The following ARHGEF10 variants were observed in gnomAD, a reference collection of about 807,000 sequenced individuals.
ARHGEF10 encodes Rho guanine nucleotide exchange factor 10.
A neutral mutation model predicts 147.4 loss-of-function variants in ARHGEF10; 140 were observed. The observed-to-expected ratio is 0.95, with a 90% CI of 0.83 to 1.09. The LOEUF (loss-of-function observed/expected upper bound fraction) is 1.09. ARHGEF10 is among the 50% of genes least tolerant of loss of function. The pLI is 0.00. For missense variants in ARHGEF10, 2,222 were observed against 1,752.7 expected (o/e 1.27, Z -4.78); for synonymous variants, 902 against 695.8 (o/e 1.30, Z -4.67).
chr8:1,915,266 G>T lies in ARHGEF10; in HGVS notation c.2143+5796G>T, dbSNP rs137923488. The stretch of plus-strand genomic sequence containing the variant: ...GGGTAGGCGTGCCATGGCTTTTCAG[G>T]GATTTTTGATGAAAATGGCATCTGA... On this transcript the variant is annotated intron_variant, in intron 18 of 28. Coordinates refer to ENST00000349830, the MANE Select transcript of ARHGEF10 (RefSeq NM_014629.4). Among the ~76,000 whole-genome samples the T allele has an allele frequency of 1.6e-3, 241 of 152,324 alleles. 1 individual carries two copies. Among genetic ancestry groups the T allele is most frequent in the African/African-American group, 5.5e-3 (230 of 41,564 alleles).
chr8:1,868,049 G>A (rs1806770381), intron 6 of ARHGEF10, among the ~76,000 whole-genome samples: 1 of 152,110 alleles, frequency 6.6e-6, no homozygotes, highest in Non-Finnish European at 1.5e-5. Flanking sequence ...TTACCCAGAT[G>A]GCAGTGAATT....
chr8:1,934,237 C>A (rs975119486), intron 26 of ARHGEF10, among the ~76,000 whole-genome samples: 1 of 151,534 alleles, frequency 6.6e-6, no homozygotes, highest in African/African-American at 2.4e-5. Context: ...ACCGGTAGTC[C>A]CAAGTACTCG....
At chr8:1,823,451 G>T (rs180813808), upstream of ARHGEF10, among the ~76,000 whole-genome samples, 2 of 136,120 alleles carry the variant, frequency 1.5e-5, no homozygotes, top group South Asian at 2.3e-4. Flanking sequence ...CGATGTTCTG[G>T]GGGGGGGAGC....
At chr8:1,884,422 C>T (rs1274877262) in intron 10 of ARHGEF10, among the ~76,000 whole-genome samples, 1 of 151,818 alleles carries the variant, frequency 6.6e-6, no homozygotes, top group Non-Finnish European at 1.5e-5. Context: ...AGGGCAAATC[C>T]CTAACCTCCC....
At chr8:1,842,320 C>T (rs1312826113) in intron 1 of ARHGEF10, among the ~76,000 whole-genome samples, 1 of 152,176 alleles carries the variant, frequency 6.6e-6, no homozygotes, top group Admixed American at 6.5e-5. Flanking sequence ...CTGAGAGTGC[C>T]AGAGCCAGTG....
chr8:1,953,019 C>T (rs1815181662), intron 28 of ARHGEF10, among the ~76,000 whole-genome samples, 192 bp downstream of exon 28: 1 of 152,238 alleles, frequency 6.6e-6, no homozygotes, highest in African/African-American at 2.4e-5. Context: ...CCATTTTTTA[C>T]CTTAGTAGTC....
intron 1 of ARHGEF10, among the ~76,000 whole-genome samples, chr8:1,840,851 G>A (rs954068665): frequency 2.0e-5 from 3 of 152,122 alleles, no homozygotes; most frequent in Admixed American, 6.5e-5. Flanking sequence ...GGCACCTCCC[G>A]CCTCACGGGT....
intron 18 of ARHGEF10, among the ~76,000 whole-genome samples, chr8:1,915,054 C>T (rs1382021289): frequency 2.0e-5 from 3 of 152,150 alleles, no homozygotes; most frequent in Non-Finnish European, 4.4e-5. Context: ...GACCTCCTGC[C>T]ACCACTCTCT....
intron 10 of ARHGEF10, among the ~76,000 whole-genome samples, chr8:1,884,387 G>A (rs1388356905): frequency 2.3e-5 from 3 of 129,462 alleles, no homozygotes; most frequent in African/African-American, 5.8e-5. Context: ...CAGAGCAAGA[G>A]TCCATCTCAA....
At chr8:1,922,686 G>T (rs1268118169) in intron 18 of ARHGEF10, among the ~76,000 whole-genome samples, 1 of 152,188 alleles carries the variant, frequency 6.6e-6, no homozygotes, top group African/African-American at 2.4e-5. Context: ...GGATTTGACG[G>T]TCATGATACG....
At chr8:1,835,484 T>A (rs1375275155) in intron 1 of ARHGEF10, among the ~76,000 whole-genome samples, 1 of 152,136 alleles carries the variant, frequency 6.6e-6, no homozygotes, top group African/African-American at 2.4e-5. Flanking sequence ...GTTTCCCAGG[T>A]AGAGGCCCTG....
intron 27 of ARHGEF10, among the ~76,000 whole-genome samples, chr8:1,947,779 C>T (rs926925623): frequency 1.4e-5 from 2 of 147,620 alleles, no homozygotes; most frequent in Admixed American, 1.4e-4. Context: ...CCGCTGTCAG[C>T]TGCCTCTCCC....
rs1353714472 is a variant in ARHGEF10 at position 1,919,758 on chromosome 8, AGTGATGGAGCTGTTCTATGG to A, written c.2144-3189_2144-3170del. Among the ~76,000 whole-genome samples, 14 of 104,022 alleles carry A rather than the reference AGTGATGGAGCTGTTCTATGG, an allele frequency of 1.3e-4. No individual in the cohort carries two copies. The East Asian group carries it at 2.3e-3, about 17-fold the overall frequency. 68.2% of individuals were successfully genotyped at this position (104,022 alleles called of 152,430 possible). On this transcript the variant is annotated intron_variant, in intron 18 of 28. Transcript: ENST00000349830. ...TCTGTGGGTGATAAACTGTTCTGTC[AGTGATGGAGCTGTTCTATGG>A]GTGATGGAGCTGTTCTGTGGGTGAT...
intron 1 of ARHGEF10, among the ~76,000 whole-genome samples, chr8:1,827,446 T>A (rs1340726840): frequency 4.6e-5 from 7 of 152,256 alleles, no homozygotes; most frequent in Non-Finnish European, 1.0e-4. Context: ...GTAGCTGGGA[T>A]TATAAGCACC....
At chr8:1,893,535 G>A in intron 11 of ARHGEF10, 34 bp from the exon 12 acceptor site, 1 of 1,461,110 alleles carries the variant, frequency 6.8e-7, no homozygotes, top group Non-Finnish European at 9.6e-7. Context: ...TTATAAAGCA[G>A]TTTTCTATCA....
chr8:1,859,595 C>T (rs1373888507), intron 3 of ARHGEF10, among the ~76,000 whole-genome samples: 1 of 149,542 alleles, frequency 6.7e-6, no homozygotes, highest in Non-Finnish European at 1.5e-5. Context: ...TTGTGTGTAG[C>T]ACCAGACTCT....
intron 12 of ARHGEF10, 79 bp downstream of exon 12, chr8:1,893,725 A>T: frequency 6.9e-6 from 8 of 1,152,208 alleles, no homozygotes; most frequent in Non-Finnish European, 7.8e-6. Context: ...CCATAAATGC[A>T]AAGCATATAT....
chr8:1,915,254 A>T (rs1003289456), intron 18 of ARHGEF10, among the ~76,000 whole-genome samples: 1 of 152,250 alleles, frequency 6.6e-6, no homozygotes, highest in African/African-American at 2.4e-5. Flanking sequence ...TAGGCGTGCC[A>T]TGGCTTTTCA....
At position 1,888,811 on chromosome 8, in the gene ARHGEF10, G is replaced by T. The variant is rs146739736; in HGVS notation, c.1182+3104G>T. ...TGAGTATTGTGAGGAGACACTGAGT[G>T]GGGTGAGAGTTATGAGGAGACACTG... On this transcript the variant is annotated intron_variant, in intron 11 of 28. Transcript: ENST00000349830. Among the ~76,000 whole-genome samples, 17 of 65,168 alleles carry T rather than the reference G, an allele frequency of 2.6e-4. 3 individuals carry two copies. Among genetic ancestry groups the T allele is most frequent in the African/African-American group, 7.7e-4 (11 of 14,294 alleles). The allele number at this position is 65,168 out of a possible 152,430, so 42.8% of individuals were successfully genotyped here.
Sources: gnomAD v4.1 joint callset for allele counts (sites outside exome capture counted in the v4.1 genomes callset) on GRCh38, gnomAD v4.1.1 for gene constraint, MANE v1.5 for transcripts, NCBI Gene and HGNC (gene_info 2026-07-23, HGNC 2026-07-21) for gene names.